HNF4G: variants seen among roughly 807,000 people sequenced by gnomAD.
The protein encoded by HNF4G is hepatocyte nuclear factor 4-gamma.
In HNF4G, 21 loss-of-function variants were observed where a neutral mutation model predicts 50.9. The observed-to-expected ratio is 0.41, with a 90% CI of 0.29 to 0.59. HNF4G has a LOEUF of 0.59. HNF4G is among the 20% of genes least tolerant of loss of function. The pLI is 0.26. For missense variants in HNF4G, 527 were observed against 559.4 expected, an observed-to-expected ratio of 0.94 and a Z score of 0.58; for synonymous variants, 198 against 185.6, an observed-to-expected ratio of 1.07 and a Z score of -0.54.
chr8:75,410,665 C>T (rs976247274), intron 1 of HNF4G, among the ~76,000 whole-genome samples: 3 of 152,184 alleles, frequency 2.0e-5, no homozygotes, highest in Admixed American at 2.0e-4. Context: ...ACATGTTTTC[C>T]TTCCAAAGAG....
At chr8:75,434,779 G>A (rs529793901) in intron 1 of HNF4G, among the ~76,000 whole-genome samples, 7 of 151,868 alleles carry the variant, frequency 4.6e-5, no homozygotes, top group Admixed American at 6.6e-5. Flanking sequence ...ACAGGGACAC[G>A]ATAAATAGCT....
At chr8:75,529,476 C>A (rs938513422) in intron 2 of HNF4G, among the ~76,000 whole-genome samples, 10 of 152,020 alleles carry the variant, frequency 6.6e-5, no homozygotes, top group Admixed American at 6.6e-4. Context: ...TGGGATATAT[C>A]TTTATTCTTT....
chr8:75,408,871 T>C (rs1009199470), intron 1 of HNF4G, among the ~76,000 whole-genome samples: 8 of 152,246 alleles, frequency 5.3e-5, no homozygotes, highest in African/African-American at 7.2e-5. Flanking sequence ...TAAACACTCA[T>C]TGAGAGCACC....
intron 2 of HNF4G, among the ~76,000 whole-genome samples, chr8:75,544,942 A>C (rs1453202125): frequency 1.3e-5 from 2 of 151,782 alleles, no homozygotes; most frequent in Admixed American, 6.6e-5. Context: ...TTAATATATA[A>C]CTCCCCAAAT....
At chr8:75,530,379 T>C (rs1482598471) in intron 2 of HNF4G, among the ~76,000 whole-genome samples, 1 of 151,708 alleles carries the variant, frequency 6.6e-6, no homozygotes, top group Non-Finnish European at 1.5e-5. Flanking sequence ...CTTCATTTAT[T>C]ATACTCAGGC....
At position 75,547,690 on chromosome 8, in the gene HNF4G, AATG is replaced by A. The variant is rs751577748; in HGVS notation, c.382+18_382+20del. The A allele has an allele frequency of 7.8e-5, 111 of 1,416,300 alleles. No individual in the cohort carries two copies. Among genetic ancestry groups the A allele is most frequent in the Admixed American group, 3.2e-4 (19 of 59,670 alleles). 87.7% of individuals were successfully genotyped at this position (1,416,300 alleles called of 1,614,324 possible). A position where few individuals can be genotyped will look rare whatever the true frequency, so the allele number is the denominator to read the frequency against. ...GGGAATGAAAAAAGAAGGTAATAAT[AATG>A]ATGATGATAATTAACATTATTGATG... On this transcript the variant is annotated intron_variant, in intron 3 of 9. Transcript: ENST00000396423.
At chr8:75,487,593 A>G (rs1812526989) in intron 1 of HNF4G, among the ~76,000 whole-genome samples, 1 of 152,132 alleles carries the variant, frequency 6.6e-6, no homozygotes, top group African/African-American at 2.4e-5. Flanking sequence ...ATCAAAATTT[A>G]TCTATCCTTT....
chr8:75,415,983 T>C (rs893297186), intron 1 of HNF4G, among the ~76,000 whole-genome samples: 1 of 152,184 alleles, frequency 6.6e-6, no homozygotes, highest in Non-Finnish European at 1.5e-5. Flanking sequence ...ACAGTTATTA[T>C]AGAATGGTTC....
chr8:75,500,001 C>A (rs1021302231), intron 2 of HNF4G, among the ~76,000 whole-genome samples: 1 of 151,972 alleles, frequency 6.6e-6, no homozygotes, highest in Non-Finnish European at 1.5e-5. Flanking sequence ...ACTAAAAGCA[C>A]AAACTACAAA....
chr8:75,541,132 A>G (rs183277122), intron 1 of HNF4G, among the ~76,000 whole-genome samples: 3 of 152,226 alleles, frequency 2.0e-5, no homozygotes, highest in Admixed American at 2.0e-4. Flanking sequence ...GAGATATTTA[A>G]TAGAGTATTT....
intron 1 of HNF4G, among the ~76,000 whole-genome samples, chr8:75,448,833 G>A (rs545868893): frequency 6.6e-6 from 1 of 152,066 alleles, no homozygotes; most frequent in South Asian, 2.1e-4. Flanking sequence ...AAAATACATA[G>A]GACTATATCA....
At chr8:75,474,834 A>G (rs1812203406) in intron 1 of HNF4G, among the ~76,000 whole-genome samples, 2 of 151,594 alleles carry the variant, frequency 1.3e-5, no homozygotes, top group African/African-American at 4.9e-5. Context: ...AGTAGCTGGT[A>G]TTACAGGTGC....
At chr8:75,514,975 T>C (rs571986326) in intron 2 of HNF4G, among the ~76,000 whole-genome samples, 1 of 152,264 alleles carries the variant, frequency 6.6e-6, no homozygotes, top group South Asian at 2.1e-4. Flanking sequence ...ATAAATATAC[T>C]TGTTATTTAA....
In HNF4G at chr8:75,494,442, CATTAATAAGGTCTTTT is replaced by C. The variant is rs199724744; in HGVS notation, c.-24+4239_-24+4254del. ...TTATTGCCTGAAATAATGAGATGAA[CATTAATAAGGTCTTTT>C]ATTACAGTTGCATAAATTGGGCTTT... On this transcript the variant is annotated intron_variant, in intron 2 of 10. Transcript: ENST00000354370. Among the ~76,000 whole-genome samples, 259 of 151,752 alleles carry C rather than the reference CATTAATAAGGTCTTTT, an allele frequency of 1.7e-3. 3 individuals are homozygous for C. In the East Asian group the frequency reaches 0.042, roughly 24 times the overall value.
chr8:75,445,788 A>G (rs1404157899), intron 1 of HNF4G, among the ~76,000 whole-genome samples: 1 of 146,242 alleles, frequency 6.8e-6, no homozygotes, highest in African/African-American at 2.6e-5. Flanking sequence ...GCAATAATCA[A>G]TAGTTTACCA....
intron 1 of HNF4G, among the ~76,000 whole-genome samples, chr8:75,449,783 A>T (rs556384679): frequency 6.6e-6 from 1 of 152,298 alleles, no homozygotes; most frequent in Non-Finnish European, 1.5e-5. Context: ...CTGGGATTAC[A>T]GGCATGAGCC....
intron 2 of HNF4G, among the ~76,000 whole-genome samples, chr8:75,534,732 C>T (rs1247019269): frequency 6.6e-6 from 1 of 151,724 alleles, no homozygotes; most frequent in African/African-American, 2.4e-5. Context: ...TGTCAAATGG[C>T]ATTTTTTAGT....
intron 1 of HNF4G, among the ~76,000 whole-genome samples, chr8:75,473,049 C>T (rs1812154431): frequency 6.6e-6 from 1 of 152,076 alleles, no homozygotes; most frequent in Non-Finnish European, 1.5e-5. Context: ...GTGGCTCAAG[C>T]CTGTAATCCC....
At chr8:75,415,316 A>G (rs1361819033) in intron 1 of HNF4G, among the ~76,000 whole-genome samples, 1 of 152,040 alleles carries the variant, frequency 6.6e-6, no homozygotes, top group African/African-American at 2.4e-5. Context: ...ATTTCTCCCC[A>G]CATGAATTTA....
Sources: allele counts gnomAD v4.1 joint callset (sites outside exome capture counted in the v4.1 genomes callset), GRCh38; gene constraint gnomAD v4.1.1; transcripts MANE v1.5; gene names NCBI Gene and HGNC (gene_info 2026-07-23, HGNC 2026-07-21).